The following RPS4X variants were observed in gnomAD, a reference collection of about 807,000 sequenced individuals.
The protein encoded by RPS4X is ribosomal protein S4 X-linked.
For missense variants in RPS4X, 90 were observed against 219.1 expected (o/e 0.41, Z 3.72); for synonymous variants, 76 against 76.8 (o/e 0.99, Z 0.06).
intron 1 of RPS4X, 104 bp downstream of exon 1, chrX:72,277,089 T>C: frequency 9.9e-7 from 1 of 1,010,712 alleles, no homozygotes; most frequent in Non-Finnish European, 1.4e-6. Context: ...TCCCTTCGCC[T>C]CTGCCCGGCC....
intron 5 of RPS4X, 118 bp from the exon 6 acceptor site, chrX:72,273,507 C>T: frequency 1.3e-6 from 1 of 770,398 alleles, no homozygotes; most frequent in South Asian, 2.9e-5. Context: ...TCATATGGAA[C>T]TGCTGCCTAT....
intron 1 of RPS4X, among the ~76,000 whole-genome samples, chrX:72,276,659 C>T (rs751485826): frequency 7.1e-5 from 8 of 112,153 alleles, no homozygotes; most frequent in African/African-American, 2.6e-4. Flanking sequence ...GTTTTTGACA[C>T]GTATGGAACA....
At position 72,275,395 on chromosome X, in the gene RPS4X, T is replaced by C. The variant is rs1602469736; in HGVS notation, c.262+149A>G. The C allele has an allele frequency of 7.1e-5, 36 of 504,257 alleles. No homozygotes were observed. In the South Asian group the frequency reaches 1.2e-3, roughly 17 times the overall value. The allele number at this position is 504,257 out of a possible 1,213,427, so 41.6% of individuals were successfully genotyped here. A position where few individuals can be genotyped will look rare whatever the true frequency, so the allele number is the denominator to read the frequency against. The stretch of plus-strand genomic sequence containing the variant: ...AAAGCGTTTCATGATTATTTGCATG[T>C]TTTTTATTTAAGTAAAAAACAGAGG... On this transcript the variant is annotated intron_variant, in intron 3 of 6. Coordinates refer to ENST00000316084, the MANE Select transcript of RPS4X (RefSeq NM_001007.5).
At chrX:72,275,462 G>A in intron 3 of RPS4X, 82 bp downstream of exon 3, 1 of 792,736 alleles carries the variant, frequency 1.3e-6, no homozygotes, top group Non-Finnish European at 1.9e-6. Flanking sequence ...GATTACAAAG[G>A]TTAGAAAAAT....
In RPS4X at chrX:72,277,185, C is replaced by G; in HGVS notation, c.3+8G>C. 6 of 1,211,085 alleles carry G rather than the reference C, an allele frequency of 5.0e-6. No individual in the cohort carries two copies. Among genetic ancestry groups the G allele is most frequent in the Non-Finnish European group, 6.7e-6 (6 of 894,950 alleles). On this transcript the variant is annotated splice_region_variant and intron_variant, in intron 1 of 6. Transcript: ENST00000316084. ...ACGTCCTAAGAGCTCGCTAACTAAA[C>G]GGCTTACCATGGCTGCGTTAGGCAA...
At chrX:72,274,704 G>A in intron 4 of RPS4X, 1 of 234,964 alleles carries the variant, frequency 4.3e-6, no homozygotes, top group East Asian at 1.1e-4. Flanking sequence ...CAATAAACAA[G>A]TTCCCAGAAA....
chrX:72,273,445 A>C, intron 5 of RPS4X, 56 bp from the exon 6 acceptor site: 7 of 1,060,370 alleles, frequency 6.6e-6, no homozygotes, highest in Non-Finnish European at 8.9e-6. Flanking sequence ...CAAGCAGCTC[A>C]GAGATGGGTC....
chrX:72,273,382 C>T lies in RPS4X; in HGVS notation c.540G>A (p.Leu180=). The T allele has an allele frequency of 8.4e-7, 1 of 1,195,223 alleles. No homozygotes were observed. The highest frequency in any genetic ancestry group is 1.1e-6 in the Non-Finnish European group (1 of 887,742). ...GGTTAGCACCTCCAGTCACCATACA[C>T]AGGTTACCTAGGCAGGAAGAAATAA... ...TDFIKFDTGN[L]CMVTGGANLG... The change falls in exon 6 of 7, where the codon CTG becomes CTA. Residue 180 remains leucine, a synonymous_variant. Transcript: ENST00000316084.
chrX:72,276,233 G>C lies in RPS4X; in HGVS notation c.5C>G (p.Ala2Gly). The C allele has an allele frequency of 8.3e-7, 1 of 1,205,958 alleles. No homozygotes were observed. Among genetic ancestry groups the C allele is most frequent in the Non-Finnish European group, 1.1e-6 (1 of 890,910 alleles). Reference protein sequence around the residue: MARGPKKHLKRV... With the variant: MGRGPKKHLKRV... ...CTTCAGATGCTTCTTGGGACCACGA[G>C]CCTGAAAGTTTTAGATTGCAATGCT... The change falls in exon 2 of 7, where the codon GCT (alanine) becomes GGT (glycine). Residue 2 changes from alanine (A) to glycine (G), a missense_variant and splice_region_variant. Ala to Gly is a moderately conservative substitution (Grantham distance 60). Coordinates refer to ENST00000316084, the MANE Select transcript of RPS4X (RefSeq NM_001007.5).
Position 72,275,611 on chromosome X carries a change from G to A in RPS4X, c.195C>T (p.Cys65=), listed in dbSNP as rs375124298. The A allele has an allele frequency of 8.7e-5, 105 of 1,208,376 alleles. 1 individual carries two copies. Among genetic ancestry groups the A allele is most frequent in the Middle Eastern group, 4.6e-4 (2 of 4,370 alleles). Residue 65 remains cysteine, a synonymous_variant, in exon 3 of 7, where the codon TGC becomes TGT. Coordinates refer to ENST00000316084, the MANE Select transcript of RPS4X (RefSeq NM_001007.5). ...CATCGATTTTAATGAACCGCTGCATGCAAATCTTCTTTACTTCATCTCCTG... is the reference window on the plus strand; with the variant it reads ...CATCGATTTTAATGAACCGCTGCATACAAATCTTCTTTACTTCATCTCCTG... ...ALTGDEVKKI[C]MQRFIKIDGK...
At position 72,273,101 on chromosome X, in the gene RPS4X, G is replaced by A. The variant is rs147964190; in HGVS notation, c.690+131C>T. 3,795 of 590,372 alleles carry A rather than the reference G, an allele frequency of 6.4e-3. 84 individuals carry two copies. The African/African-American group carries it at 0.077, about 12-fold the overall frequency. The allele number at this position is 590,372 out of a possible 1,213,427, so 48.7% of individuals were successfully genotyped here. A position where few individuals can be genotyped will look rare whatever the true frequency, so the allele number is the denominator to read the frequency against. ...TCATTATGACTCAGCCCAGCTCTGC[G>A]TGAGTCCTATCCAGAAGAGGCTTTG... On this transcript the variant is annotated intron_variant, in intron 6 of 6. Transcript: ENST00000316084.
At chrX:72,275,031 C>T (rs1569494315) in intron 4 of RPS4X, 22 bp downstream of exon 4, 1 of 1,103,668 alleles carries the variant, frequency 9.1e-7, no homozygotes, top group Admixed American at 2.2e-5. Context: ...GAGTAAAGAC[C>T]CAGCTTGCTT....
Position 72,275,071 on chromosome X carries a change from A to G in RPS4X, c.342T>C (p.Ile114=), listed in dbSNP as rs2043196739. 5 of 1,203,658 alleles carry G rather than the reference A, an allele frequency of 4.2e-6. No individual in the cohort carries two copies. Among genetic ancestry groups the G allele is most frequent in the Non-Finnish European group, 5.6e-6 (5 of 890,023 alleles). ...DTKGRFAVHR[I]TPEEAKYKLC... The stretch of plus-strand genomic sequence containing the variant: ...CACTCACCTTGGCCTCCTCAGGTGT[A>G]ATACGATGTACAGCAAAGCGACCCT... The change falls in exon 4 of 7, where the codon ATT becomes ATC. Residue 114 remains isoleucine, a synonymous_variant. Transcript: ENST00000316084.
At position 72,276,238 on chromosome X, in the gene RPS4X, A is replaced by T; in HGVS notation, c.4-4T>A. 4 of 1,199,594 alleles carry T rather than the reference A, an allele frequency of 3.3e-6. No homozygotes were observed. The highest frequency in any genetic ancestry group is 1.8e-5 in the South Asian group (1 of 56,450). ...GATGCTTCTTGGGACCACGAGCCTG[A>T]AAGTTTTAGATTGCAATGCTGTTAA... On this transcript the variant is annotated splice_polypyrimidine_tract_variant and splice_region_variant and intron_variant, in intron 1 of 6. Transcript: ENST00000316084.
Position 72,275,162 on chromosome X carries a change from C to A in RPS4X, c.263-12G>T, listed in dbSNP as rs751026097. The A allele has an allele frequency of 9.0e-7, 1 of 1,113,787 alleles. No individual in the cohort carries two copies. Among genetic ancestry groups the A allele is most frequent in the South Asian group, 1.9e-5 (1 of 53,819 alleles). 91.8% of individuals were successfully genotyped at this position (1,113,787 alleles called of 1,213,427 possible). On this transcript the variant is annotated splice_polypyrimidine_tract_variant and intron_variant, in intron 3 of 6. Transcript: ENST00000316084. ...AATGCTGATGACATCTGAAATCAAG[C>A]AGTAACCGGTTACTACATACAGTGA...
chrX:72,273,621 T>C lies in RPS4X; in HGVS notation c.532+180A>G, dbSNP rs765207610. Among the ~76,000 whole-genome samples, 4 of 111,697 alleles carry C rather than the reference T, an allele frequency of 3.6e-5. No homozygotes were observed. The South Asian group carries it at 1.5e-3, about 43-fold the overall frequency. The stretch of plus-strand genomic sequence containing the variant: ...TCTGGGCAACACAGTAAGACCCTCC[T>C]CTATAAAAAACAAACAATTTAAAGA... On this transcript the variant is annotated intron_variant, in intron 5 of 6. Transcript: ENST00000316084.
At position 72,276,178 on chromosome X, in the gene RPS4X, C is replaced by T. The variant is rs1197202475; in HGVS notation, c.60G>A (p.Leu20=). ...TTACAAACACACCGGTCAATTTATC[C>T]AGCATCCAATGCTTTGGAGCTGCCA... ...KRVAAPKHWM[L]DKLTGVFAPR... is the part of the protein sequence containing the mutation. The change falls in exon 2 of 7, where the codon CTG becomes CTA. Residue 20 remains leucine (L), a synonymous_variant. Transcript: ENST00000316084. 1 of 1,209,430 alleles carries T rather than the reference C, an allele frequency of 8.3e-7. No individual in the cohort carries two copies. Among genetic ancestry groups the T allele is most frequent in the South Asian group, 1.8e-5 (1 of 56,743 alleles).
intron 5 of RPS4X, among the ~76,000 whole-genome samples, chrX:72,273,596 T>G (rs1224580913): frequency 9.0e-6 from 1 of 111,623 alleles, no homozygotes; most frequent in Non-Finnish European, 1.9e-5. Flanking sequence ...TCGAGAACAG[T>G]CTGGGCAACA....
Position 72,276,338 on chromosome X carries a change from G to A in RPS4X, c.4-104C>T, listed in dbSNP as rs1238163831. On this transcript the variant is annotated intron_variant, in intron 1 of 6. Coordinates refer to ENST00000316084, the MANE Select transcript of RPS4X (RefSeq NM_001007.5). Reference sequence around the variant, plus strand: ...TTTAGTTTCATCTTCAGCAAAATGTGGACAATATTAAAGTATAGTGTTCCG... The same window carrying A: ...TTTAGTTTCATCTTCAGCAAAATGTAGACAATATTAAAGTATAGTGTTCCG... The A allele has an allele frequency of 7.3e-6, 4 of 551,325 alleles. No individual in the cohort carries two copies. In the African/African-American group the frequency reaches 9.4e-5, roughly 13 times the overall value. The allele number at this position is 551,325 out of a possible 1,213,427, so 45.4% of individuals were successfully genotyped here.
Sources: gnomAD v4.1 joint callset for allele counts (sites outside exome capture counted in the v4.1 genomes callset) on GRCh38, gnomAD v4.1.1 for gene constraint, MANE v1.5 for transcripts, NCBI Gene and HGNC (gene_info 2026-07-23, HGNC 2026-07-21) for gene names.